Variants in IRAG2 observed in about 807,000 individuals in gnomAD.
IRAG2 encodes inositol 1,4,5-triphosphate receptor associated 2.
Under a neutral mutation model 69.9 loss-of-function variants are expected in IRAG2, and 45 were observed. The observed-to-expected ratio is 0.64, with a 90% CI of 0.51 to 0.83. The LOEUF (loss-of-function observed/expected upper bound fraction) is 0.83. Ranked by LOEUF, IRAG2 falls within the 40% of genes least tolerant of loss-of-function variation. IRAG2 has a pLI of 0.00. For missense variants in IRAG2, 520 were observed against 587.0 expected (o/e 0.89, Z 1.18); for synonymous variants, 193 against 202.4 (o/e 0.95, Z 0.40).
At chr12:25,065,870 A>G (rs1248192975) in intron 4 of IRAG2, among the ~76,000 whole-genome samples, 1 of 152,134 alleles carries the variant, frequency 6.6e-6, no homozygotes, top group Non-Finnish European at 1.5e-5. Flanking sequence ...GGGGTTTGCC[A>G]TGTTGCCCAG....
chr12:25,069,360 C>T lies in IRAG2; in HGVS notation c.-48C>T, dbSNP rs201002123. 2 of 1,568,034 alleles carry T rather than the reference C, an allele frequency of 1.3e-6. No individual in the cohort carries two copies. The highest frequency in any genetic ancestry group is 3.4e-5 in the Admixed American group (2 of 58,846). ...ACTTCCTACTGCCAGGTGCCCAGGC[C>T]CCACAAGTGGCCCCAGCCCAGGAAC... On this transcript the variant is annotated 5_prime_UTR_variant, in exon 6 of 22. Coordinates refer to ENST00000556887, the MANE Select transcript of IRAG2 (RefSeq NM_001366544.2).
chr12:25,076,484 C>G, intron 6 of IRAG2: 1 of 984,278 alleles, frequency 1.0e-6, no homozygotes, highest in East Asian at 1.1e-4. Context: ...GTATTTATTA[C>G]TTTGGCTTTA....
intron 9 of IRAG2, 103 bp downstream of exon 9, chr12:25,079,866 A>T (rs1947077887): frequency 1.4e-5 from 9 of 652,014 alleles, no homozygotes; most frequent in Non-Finnish European, 2.6e-6. Flanking sequence ...ATGTTATTTA[A>T]TTTTTTTTGT....
At chr12:25,028,482 G>A (rs929783660) in intron 9 of IRAG2, among the ~76,000 whole-genome samples, 6 of 151,984 alleles carry the variant, frequency 3.9e-5, no homozygotes, top group Non-Finnish European at 7.4e-5. Context: ...ACCTCAACCT[G>A]AGATAATGTA....
chr12:25,090,712 T>C (rs1342374242), intron 14 of IRAG2: 1 of 356,908 alleles, frequency 2.8e-6, no homozygotes, highest in Non-Finnish European at 5.5e-6. Context: ...CAGGCTGAAA[T>C]AAAAGTTTCA....
chr12:25,011,302 A>C, intron 2 of IRAG2: 2 of 1,169,532 alleles, frequency 1.7e-6, no homozygotes, highest in Non-Finnish European at 2.1e-6. Flanking sequence ...TTAAAGAGAT[A>C]GGTGCTTCAC....
intron 12 of IRAG2, chr12:25,033,830 G>A (rs1187545433): frequency 2.5e-6 from 1 of 398,838 alleles, no homozygotes. Context: ...CTAGACTATT[G>A]TTTTTGTTTT....
chr12:25,018,193 C>CCT (rs548777029), intron 6 of IRAG2, among the ~76,000 whole-genome samples: 12 of 105,522 alleles, frequency 1.1e-4, no homozygotes, highest in African/African-American at 4.3e-4. Flanking sequence ...TTTCTTTCTT[C>CCT]TTTTTTTTTT....
Position 25,085,312 on chromosome 12 carries a change from G to A in IRAG2, c.315+1819G>A, listed in dbSNP as rs566271206. The stretch of plus-strand genomic sequence containing the variant: ...AGGTGGCTCTCAGTAAGATGGATGC[G>A]GAGCCAGAAGGGGGGATGGAGTGGG... On this transcript the variant is annotated intron_variant, in intron 10 of 21. Coordinates refer to ENST00000556887, the MANE Select transcript of IRAG2 (RefSeq NM_001366544.2). Among the ~76,000 whole-genome samples, 8 of 152,266 alleles carry A rather than the reference G, an allele frequency of 5.3e-5. No homozygotes were observed. The East Asian group carries it at 7.7e-4, about 15-fold the overall frequency.
intron 1 of IRAG2, among the ~76,000 whole-genome samples, chr12:25,053,620 T>C (rs1945011762): frequency 6.6e-6 from 1 of 152,240 alleles, no homozygotes; most frequent in Admixed American, 6.5e-5. Context: ...TATAAAATTG[T>C]TTCATTCTAG....
chr12:25,037,121 A>T (rs1347597820), intron 15 of IRAG2, among the ~76,000 whole-genome samples: 1 of 152,168 alleles, frequency 6.6e-6, no homozygotes, highest in Non-Finnish European at 1.5e-5. Flanking sequence ...TTAGGTAGCT[A>T]TTCCCAGCTT....
intron 3 of IRAG2, chr12:25,015,112 A>AAAAAAAG (rs1555125446): frequency 1.7e-5 from 6 of 361,130 alleles, no homozygotes; most frequent in African/African-American, 5.3e-5. Context: ...AAAAAAAAAA[A>AAAAAAAG]GACAAAACTT....
intron 7 of IRAG2, chr12:25,021,026 CT>C: frequency 2.3e-6 from 1 of 439,406 alleles, no homozygotes; most frequent in Non-Finnish European, 3.8e-6. Context: ...ATTGGTAACA[CT>C]TTAGAAAAGT....
At chr12:25,088,195 G>A (rs1947778305) in intron 11 of IRAG2, 38 bp downstream of exon 11, 5 of 1,514,036 alleles carry the variant, frequency 3.3e-6, no homozygotes, top group Non-Finnish European at 4.6e-6. Flanking sequence ...GTGAACTTTT[G>A]TTCTCTGCTG....
intron 13 of IRAG2, 97 bp downstream of exon 13, chr12:25,089,887 G>C: frequency 7.4e-7 from 1 of 1,356,722 alleles, no homozygotes; most frequent in South Asian, 1.2e-5. Context: ...CATATGCTCG[G>C]TGTCTGTTTG....
chr12:25,104,116 C>T, intron 19 of IRAG2, 58 bp downstream of exon 19: 2 of 1,406,876 alleles, frequency 1.4e-6, no homozygotes, highest in Non-Finnish European at 2.0e-6. Context: ...CTTGGGCTAA[C>T]CTAAATGAGT....
chr12:25,004,639 T>A (rs1046167789), exon 1 of IRAG2: 3 of 1,232,068 alleles, frequency 2.4e-6, no homozygotes, highest in Non-Finnish European at 2.0e-6. Flanking sequence ...CCCATCCACC[T>A]CTCACCTCAG....
rs1944480147 is a variant in IRAG2, at chr12:25,012,143, C to CTTTTTTTTTTTTTTTTTTTTTTTT, written c.896+592_896+593insTTTTTTTTTTTTTTTTTTTTTTTT. ...GTCTTCTTCCACAGAAAGCGAATTCCCTTTTTTTTTTTTTTTTTTTTTTTT... is the reference window on the plus strand; with the variant it reads ...GTCTTCTTCCACAGAAAGCGAATTCCTTTTTTTTTTTTTTTTTTTTTTTTCTTTTTTTTTTTTTTTTTTTTTTTT... On this transcript the variant is annotated intron_variant, in intron 3 of 38. Transcript: ENST00000636465. Among the ~76,000 whole-genome samples, 46 of 24,096 alleles carry CTTTTTTTTTTTTTTTTTTTTTTTT rather than the reference C, an allele frequency of 1.9e-3. 22 individuals carry two copies. The highest frequency in any genetic ancestry group is 1.6e-3 in the Non-Finnish European group (12 of 7,326). The allele number at this position is 24,096 out of a possible 152,430, so 15.8% of individuals were successfully genotyped here. A position where few individuals can be genotyped will look rare whatever the true frequency, so the allele number is the denominator to read the frequency against.
At chr12:25,015,121 T>TAAAAAAAG in intron 3 of IRAG2, 1 of 276,836 alleles carries the variant, frequency 3.6e-6, no homozygotes, top group Non-Finnish European at 4.9e-6. Context: ...AAGACAAAAC[T>TAAAAAAAG]TGGTCAGGCA....
Sources: allele counts gnomAD v4.1 joint callset (sites outside exome capture counted in the v4.1 genomes callset), GRCh38; gene constraint gnomAD v4.1.1; transcripts MANE v1.5; gene names NCBI Gene and HGNC (gene_info 2026-07-23, HGNC 2026-07-21).